Variants in LUZP4 observed in about 807,000 individuals in gnomAD.
The protein encoded by LUZP4 is leucine zipper protein 4, also known as HOM-TES-85 tumor antigen.
LUZP4 carries 11 observed loss-of-function variants against 8.5 expected under a neutral mutation model. The ratio of observed to expected loss-of-function variants is 1.30; its 90% CI spans 0.82 to 2.14. The LOEUF is 2.14. Among genes scored for constraint, LUZP4 ranks in the 30% most tolerant of loss-of-function variants. LUZP4 has a pLI of 0.00. For synonymous variants in LUZP4, 104 were observed against 79.4 expected, an observed-to-expected ratio of 1.31 and a Z score of -1.65; for missense variants, 276 against 229.7, an observed-to-expected ratio of 1.20 and a Z score of -1.30.
chrX:115,302,095 A>G lies in LUZP4; in HGVS notation c.195A>G (p.Ser65=), dbSNP rs781948012. The part of the protein sequence containing the change: ...SKKESPSRQQ[S]KAHRHRHRRG... ...AGGAATCGCCTTCAAGACAGCAATC[A>G]AAAGCTCATAGACATCGCCATCGGA... The change falls in exon 2 of 4, where the codon TCA becomes TCG. Residue 65 remains serine, a synonymous_variant. Coordinates refer to ENST00000371920, the MANE Select transcript of LUZP4 (RefSeq NM_016383.5). 1 of 1,197,487 alleles carries G rather than the reference A, an allele frequency of 8.4e-7. No homozygotes were observed. The highest frequency in any genetic ancestry group is 1.1e-6 in the Non-Finnish European group (1 of 889,794).
chrX:115,301,455 C>T (rs941077619), intron 1 of LUZP4, among the ~76,000 whole-genome samples: 3 of 112,091 alleles, frequency 2.7e-5, no homozygotes, highest in Non-Finnish European at 5.6e-5. Context: ...AATCTAGGTT[C>T]CTCACTTCTG....
chrX:115,296,582 TGGAA>T (rs1556599027), intron 1 of LUZP4, among the ~76,000 whole-genome samples: 1 of 111,770 alleles, frequency 8.9e-6, no homozygotes, highest in African/African-American at 3.3e-5. Context: ...TAGCCTATGT[TGGAA>T]GGGCGTTTAG....
In LUZP4 at chrX:115,306,516, T is replaced by G; in HGVS notation, c.654T>G (p.Ser218=). The G allele has an allele frequency of 2.5e-6, 3 of 1,210,234 alleles. No individual in the cohort carries two copies. The highest frequency in any genetic ancestry group is 3.4e-6 in the Non-Finnish European group (3 of 895,341). ...GATCTCATGGTCACTCAGAGAGATC[T>G]CATGGTCACTCAGAGAGATCTCATG... ...SERSHGHSER[S]HGHSERSHGH... Residue 218 remains serine (S), a synonymous_variant, in exon 4 of 4, where the codon TCT becomes TCG. Coordinates refer to ENST00000371920, the MANE Select transcript of LUZP4 (RefSeq NM_016383.5).
At chrX:115,297,861 A>C (rs2073377611) in intron 1 of LUZP4, among the ~76,000 whole-genome samples, 2 of 106,851 alleles carry the variant, frequency 1.9e-5, no homozygotes, top group Non-Finnish European at 3.9e-5. Context: ...CAGGCTGGAG[A>C]GCAGTGGCGT....
rs781943967 is a variant in LUZP4 at position 115,306,599 on chromosome X, T to C, written c.737T>C (p.Ile246Thr). ...CTTGTGGACACTCAGAGTGATCTCA[T>C]AGCCACTCAGAGAGATCTCATAGCC... ...GDLVDTQSDL[I>T]ATQRDLIATQ... The change falls in exon 4 of 4, where the codon ATA becomes ACA. Residue 246 changes from isoleucine to threonine, a missense_variant. Coordinates refer to ENST00000371920, the MANE Select transcript of LUZP4 (RefSeq NM_016383.5). 25 of 1,206,861 alleles carry C rather than the reference T, an allele frequency of 2.1e-5. No individual in the cohort carries two copies. In the Admixed American group the frequency reaches 5.1e-4, roughly 24 times the overall value.
chrX:115,298,869 A>G (rs1205941853), intron 1 of LUZP4, among the ~76,000 whole-genome samples: 2 of 111,345 alleles, frequency 1.8e-5, no homozygotes, highest in Non-Finnish European at 3.8e-5. Context: ...GATGTTCTTC[A>G]GTGTCTGGGC....
At chrX:115,300,223 C>G (rs1275400765) in intron 1 of LUZP4, among the ~76,000 whole-genome samples, 2 of 111,483 alleles carry the variant, frequency 1.8e-5, no homozygotes, top group Non-Finnish European at 3.8e-5. Flanking sequence ...GTGGCCCCCC[C>G]AGTCCACACT....
At position 115,306,591 on chromosome X, in the gene LUZP4, T is replaced by TGATCTCATAGCCACTCAGAGA; in HGVS notation, c.749_769dup (p.Arg250_Gln256dup). 2.5e-6 allele frequency: 3 copies of TGATCTCATAGCCACTCAGAGA among 1,189,424 alleles called. No individual in the cohort carries two copies. Among genetic ancestry groups the TGATCTCATAGCCACTCAGAGA allele is most frequent in the East Asian group, 3.0e-5 (1 of 33,188 alleles). On this transcript the variant is annotated inframe_insertion, in exon 4 of 4. Coordinates refer to ENST00000371920, the MANE Select transcript of LUZP4 (RefSeq NM_016383.5). Reference sequence around the variant, plus strand: ...AGGGAGATCTTGTGGACACTCAGAGTGATCTCATAGCCACTCAGAGAGATC... The same window carrying TGATCTCATAGCCACTCAGAGA: ...AGGGAGATCTTGTGGACACTCAGAGTGATCTCATAGCCACTCAGAGAGATCTCATAGCCACTCAGAGAGATC...
chrX:115,298,612 CATT>C (rs2073381680), intron 1 of LUZP4, among the ~76,000 whole-genome samples: 1 of 112,579 alleles, frequency 8.9e-6, no homozygotes, highest in South Asian at 3.7e-4. Flanking sequence ...ATGCCAATGG[CATT>C]TTTCCAGTTC....
chrX:115,289,990 C>T lies in LUZP4; in HGVS notation c.91+140C>T, dbSNP rs782659678. ...AGAGGCTTCCCCTTCAGGGCATCTC[C>T]GCACCTGCCCCACCCTGACGAACCC... On this transcript the variant is annotated intron_variant, in intron 1 of 3. Transcript: ENST00000371920. The T allele has an allele frequency of 9.5e-6, 4 of 420,197 alleles. No individual in the cohort carries two copies. The East Asian group carries it at 1.3e-4, about 14-fold the overall frequency. 34.6% of individuals were successfully genotyped at this position (420,197 alleles called of 1,213,427 possible).
At chrX:115,303,760 T>C (rs2073408470) in intron 3 of LUZP4, among the ~76,000 whole-genome samples, 1 of 112,043 alleles carries the variant, frequency 8.9e-6, no homozygotes, top group Admixed American at 9.5e-5. Flanking sequence ...AGAGTTTTAG[T>C]ATCTTTGTGA....
chrX:115,306,506 C>T lies in LUZP4; in HGVS notation c.644C>T (p.Ser215Leu), dbSNP rs2073422055. 8.3e-7 allele frequency: 1 copy of T among 1,210,641 alleles called. No individual in the cohort carries two copies. Among genetic ancestry groups the T allele is most frequent in the Non-Finnish European group, 1.1e-6 (1 of 895,368 alleles). The change falls in exon 4 of 4, where the codon TCA becomes TTA. Residue 215 changes from serine to leucine, a missense_variant. Transcript: ENST00000371920. Reference protein sequence around the residue: ...HGHSERSHGHSERSHGHSERS... With the variant: ...HGHSERSHGHLERSHGHSERS... ...CACTCAGAGAGATCTCATGGTCACTCAGAGAGATCTCATGGTCACTCAGAG... is the reference window on the plus strand; with the variant it reads ...CACTCAGAGAGATCTCATGGTCACTTAGAGAGATCTCATGGTCACTCAGAG...
chrX:115,290,988 T>C (rs977127995), intron 1 of LUZP4, among the ~76,000 whole-genome samples: 1 of 111,282 alleles, frequency 9.0e-6, no homozygotes, highest in Non-Finnish European at 1.9e-5. Flanking sequence ...TGTTTTTTAG[T>C]AGAGCGAGGT....
chrX:115,293,291 T>C (rs2073356208), intron 1 of LUZP4, among the ~76,000 whole-genome samples: 1 of 110,064 alleles, frequency 9.1e-6, no homozygotes, highest in South Asian at 4.0e-4. Context: ...TTTTTTTTTC[T>C]TTTTTGAAAT....
chrX:115,306,183 G>C, intron 3 of LUZP4, 22 bp from the exon 4 acceptor site: 1 of 1,189,629 alleles, frequency 8.4e-7, no homozygotes. Context: ...CATTTGTTTT[G>C]AATAATTGGG....
chrX:115,306,407 G>A lies in LUZP4; in HGVS notation c.545G>A (p.Arg182Lys). ...GACAGATCTCAAGGGCAGCTAAAGA[G>A]ACATCATCCCCAATATGAGAGATCT... ...QSDRSQGQLK[R>K]HHPQYERSHG... Residue 182 changes from arginine to lysine, a missense_variant, in exon 4 of 4, where the codon AGA becomes AAA. Arg to Lys is a conservative substitution (Grantham distance 26, BLOSUM62 2). Transcript: ENST00000371920. The A allele has an allele frequency of 8.3e-7, 1 of 1,211,581 alleles. No individual in the cohort carries two copies. The highest frequency in any genetic ancestry group is 2.2e-5 in the Admixed American group (1 of 45,987).
chrX:115,290,618 G>A (rs1322313615), intron 1 of LUZP4, among the ~76,000 whole-genome samples: 1 of 111,561 alleles, frequency 9.0e-6, no homozygotes, highest in Non-Finnish European at 1.9e-5. Context: ...TAGAAATGGG[G>A]GAGGAGGGGA....
At chrX:115,305,328 A>G (rs782250820) in intron 3 of LUZP4, among the ~76,000 whole-genome samples, 9 of 112,187 alleles carry the variant, frequency 8.0e-5, no homozygotes, top group African/African-American at 2.9e-4. Flanking sequence ...CAAAACAACT[A>G]ATTTTTTACA....
intron 1 of LUZP4, among the ~76,000 whole-genome samples, chrX:115,297,489 T>A (rs2073375831): frequency 8.9e-6 from 1 of 111,774 alleles, no homozygotes; most frequent in Non-Finnish European, 1.9e-5. Context: ...TCTGTGAAAC[T>A]TTTTATTTCT....
Sources: allele counts gnomAD v4.1 joint callset (sites outside exome capture counted in the v4.1 genomes callset), GRCh38; gene constraint gnomAD v4.1.1; transcripts MANE v1.5; gene names NCBI Gene and HGNC (gene_info 2026-07-23, HGNC 2026-07-21).